The following CDAN1 variants were observed in gnomAD, a reference collection of about 807,000 sequenced individuals.
CDAN1 encodes the protein codanin 1, also known as codanin-1.
In CDAN1, 107 loss-of-function variants were observed where a neutral mutation model predicts 139.8. That is an observed-to-expected ratio of 0.77 (90% CI 0.65 to 0.90). The LOEUF (loss-of-function observed/expected upper bound fraction) is 0.90. Ranked by LOEUF, CDAN1 falls within the 40% of genes least tolerant of loss-of-function variation. The pLI is 0.00. For missense variants in CDAN1, 1,667 were observed against 1,575.7 expected (o/e 1.06, Z -0.98); for synonymous variants, 776 against 660.6 (o/e 1.17, Z -2.68).
At chr15:42,729,192 C>A (rs764681793) in intron 18 of CDAN1, 37 bp downstream of exon 18, 5 of 1,609,220 alleles carry the variant, frequency 3.1e-6, no homozygotes, top group Admixed American at 3.3e-5. Context: ...CCAACCCCCC[C>A]TCATTTTCCC....
In CDAN1 at chr15:42,731,774, C is replaced by A. The variant is rs751963997; in HGVS notation, c.1585G>T (p.Asp529Tyr). The A allele has an allele frequency of 2.7e-5, 43 of 1,614,060 alleles. No individual in the cohort carries two copies. In the South Asian group the frequency reaches 4.5e-4, roughly 17 times the overall value. Residue 529 changes from aspartate to tyrosine, a missense_variant, in exon 11 of 28, where the codon GAT becomes TAT. Coordinates refer to ENST00000356231, the MANE Select transcript of CDAN1 (RefSeq NM_138477.4). ...AGGTVLGEAP[D>Y]VLSMLGADKL... ...TCAGCTCCCAGCATACTCAACACATCTGGGGCCTCGCCCAAGACGGTGCCC... is the reference window on the plus strand; with the variant it reads ...TCAGCTCCCAGCATACTCAACACATATGGGGCCTCGCCCAAGACGGTGCCC...
intron 1 of CDAN1, 88 bp downstream of exon 1, chr15:42,736,925 G>A (rs2061698332): frequency 6.8e-7 from 1 of 1,479,314 alleles, no homozygotes; most frequent in African/African-American, 1.5e-5. Flanking sequence ...CTGGCAGCCA[G>A]GCGCCCTAGA....
intron 10 of CDAN1, 78 bp downstream of exon 10, chr15:42,732,255 T>A: frequency 7.4e-7 from 1 of 1,356,410 alleles, no homozygotes; most frequent in Non-Finnish European, 1.1e-6. Context: ...GTCTGCCCTA[T>A]CCCAAAGTGC....
chr15:42,724,903 A>C, intron 27 of CDAN1: 1 of 615,096 alleles, frequency 1.6e-6, no homozygotes, highest in South Asian at 2.0e-5. Flanking sequence ...AGGTTATTCT[A>C]ATTTTAAAAA....
At position 42,727,692 on chromosome 15, in the gene CDAN1, C is replaced by T. The variant is rs747974604; in HGVS notation, c.3025G>A (p.Glu1009Lys). 1.8e-5 allele frequency: 29 copies of T among 1,584,314 alleles called. No individual in the cohort carries two copies. Among genetic ancestry groups the T allele is most frequent in the Non-Finnish European group, 2.2e-5 (26 of 1,161,816 alleles). The change falls in exon 23 of 28, where the codon GAG (glutamate) becomes AAG (lysine). Residue 1009 changes from glutamate to lysine, a missense_variant. Coordinates refer to ENST00000356231, the MANE Select transcript of CDAN1 (RefSeq NM_138477.4). The stretch of plus-strand genomic sequence containing the variant: ...CAGGCGCGGGAGCAGCCCCTCCGCT[C>T]CCCCCGGGCAGCAGGTTCAGGACCC... The part of the protein sequence containing the change: ...AQGPEPAARG[E>K]RRGCSRACEH...
At chr15:42,735,766 C>T in intron 3 of CDAN1, 87 bp from the exon 4 acceptor site, 2 of 1,582,722 alleles carry the variant, frequency 1.3e-6, no homozygotes, top group Non-Finnish European at 8.7e-7. Context: ...ATACCAACAG[C>T]CCAGGAGACA....
chr15:42,724,070 C>T lies in CDAN1; in HGVS notation c.*421G>A, dbSNP rs1421542866. ...TCCTGGTGATAAGAAAATGTAGACT[C>T]CCAAGATTCATGTTTTAACTTTCTT... On this transcript the variant is annotated 3_prime_UTR_variant, in exon 28 of 28. Transcript: ENST00000356231. 3.5e-6 allele frequency: 1 copy of T among 285,794 alleles called. No individual in the cohort carries two copies. Among genetic ancestry groups the T allele is most frequent in the Non-Finnish European group, 6.9e-6 (1 of 145,670 alleles). 17.7% of individuals were successfully genotyped at this position (285,794 alleles called of 1,614,324 possible). A position where few individuals can be genotyped will look rare whatever the true frequency, so the allele number is the denominator to read the frequency against.
intron 10 of CDAN1, 72 bp downstream of exon 10, chr15:42,732,261 A>C: frequency 7.1e-7 from 1 of 1,399,646 alleles, no homozygotes; most frequent in Non-Finnish European, 1.0e-6. Flanking sequence ...CCTATCCCAA[A>C]GTGCAGCCGT....
At chr15:42,734,809 G>A (rs2061665918) in intron 6 of CDAN1, among the ~76,000 whole-genome samples, 2 of 145,374 alleles carry the variant, frequency 1.4e-5, no homozygotes, top group African/African-American at 5.3e-5. Flanking sequence ...GGTGGAGATG[G>A]GATTTTGTCA....
rs1595861681 is a variant in CDAN1, at chr15:42,734,287, A to G, written c.1196T>C (p.Leu399Pro). The G allele has an allele frequency of 6.2e-7, 1 of 1,614,110 alleles. No homozygotes were observed. Among genetic ancestry groups the G allele is most frequent in the Non-Finnish European group, 8.5e-7 (1 of 1,180,022 alleles). The change falls in exon 7 of 28, where the codon CTG becomes CCG. Residue 399 changes from leucine to proline, a missense_variant. Coordinates refer to ENST00000356231, the MANE Select transcript of CDAN1 (RefSeq NM_138477.4). ...GCCTTGCAGAGCTGGTGAGAAGCAC[A>G]GCAGCCGCTCATTCTCAGCCAGCAG... ...LKLLAENERLLCFSPALQGRL... is the reference protein window; with the variant it reads ...LKLLAENERLPCFSPALQGRL...
chr15:42,729,718 C>T (rs2061583440), intron 16 of CDAN1, 78 bp downstream of exon 16: 1 of 1,586,604 alleles, frequency 6.3e-7, no homozygotes, highest in East Asian at 2.2e-5. Flanking sequence ...TACATCTGCC[C>T]CTGGCTGGGC....
chr15:42,730,357 G>C (rs1470810211), intron 14 of CDAN1, 142 bp from the exon 15 acceptor site: 1 of 909,142 alleles, frequency 1.1e-6, no homozygotes, highest in Non-Finnish European at 1.8e-6. Flanking sequence ...CCCCAGCCCC[G>C]CCTCCTGCAT....
rs866705691 is a variant in CDAN1, at chr15:42,732,542, C to T, written c.1458-134G>A. ...GCAGACCTCAGCCAGAGCCAGCCTG[C>T]AAAGGGACACTGAAGGCAAGGGACA... On this transcript the variant is annotated intron_variant, in intron 9 of 27. Coordinates refer to ENST00000356231, the MANE Select transcript of CDAN1 (RefSeq NM_138477.4). 19 of 773,108 alleles carry T rather than the reference C, an allele frequency of 2.5e-5. No homozygotes were observed. The Admixed American group carries it at 3.6e-4, about 15-fold the overall frequency. 47.9% of individuals were successfully genotyped at this position (773,108 alleles called of 1,614,324 possible). A position where few individuals can be genotyped will look rare whatever the true frequency, so the allele number is the denominator to read the frequency against.
chr15:42,725,459 G>C, intron 26 of CDAN1, 30 bp downstream of exon 26: 1 of 1,613,226 alleles, frequency 6.2e-7, no homozygotes. Flanking sequence ...GAGTGTGACT[G>C]CAGAGGGCTT....
Position 42,734,454 on chromosome 15 carries a change from G to T in CDAN1, c.1137-108C>A, listed in dbSNP as rs188693619. 4.9e-3 allele frequency: 6,636 copies of T among 1,350,134 alleles called. 27 individuals are homozygous for T. The highest frequency in any genetic ancestry group is 6.0e-3 in the Non-Finnish European group (5,705 of 956,432). The allele number at this position is 1,350,134 out of a possible 1,614,324, so 83.6% of individuals were successfully genotyped here. ...TCTAAGGCATGGCGCAGGTATGCAA[G>T]CCCAGATATGTACTGCAAGGTCATG... On this transcript the variant is annotated intron_variant, in intron 6 of 27. Coordinates refer to ENST00000356231, the MANE Select transcript of CDAN1 (RefSeq NM_138477.4).
At chr15:42,726,073 G>C (rs933211406) in intron 25 of CDAN1, 24 bp downstream of exon 25, 2 of 1,610,416 alleles carry the variant, frequency 1.2e-6, no homozygotes, top group Non-Finnish European at 8.5e-7. Flanking sequence ...GGCAAGAGAG[G>C]GATTTGATGG....
chr15:42,734,442 G>A (rs1359732444), intron 6 of CDAN1, 96 bp from the exon 7 acceptor site: 5 of 1,478,180 alleles, frequency 3.4e-6, no homozygotes, highest in Admixed American at 1.7e-5. Context: ...AAGGCATGGC[G>A]CAGGTATGCA....
Position 42,736,635 on chromosome 15 carries a change from G to C in CDAN1, c.236C>G (p.Ser79Trp), listed in dbSNP as rs754491840. Residue 79 changes from serine to tryptophan, a missense_variant, in exon 2 of 28, where the codon TCG becomes TGG. Around this residue, in one of 3 missense-constraint regions of CDAN1, gnomAD observed 487 missense variants for 422.2 expected, o/e 1.15. Transcript: ENST00000356231. ...TCCCGGCCTCCCTGGCAAGGCTGCC[G>C]AGGCGCCCGGGGTCTTGGCGGGGGT... ...PPTPAKTPGA[S>W]AALPGRPGGP... 6.6e-7 allele frequency: 1 copy of C among 1,516,248 alleles called. No individual in the cohort carries two copies. Among genetic ancestry groups the C allele is most frequent in the Non-Finnish European group, 8.8e-7 (1 of 1,132,662 alleles). 93.9% of individuals were successfully genotyped at this position (1,516,248 alleles called of 1,614,324 possible).
At chr15:42,731,154 C>T in intron 12 of CDAN1, 57 bp downstream of exon 12, 3 of 1,614,198 alleles carry the variant, frequency 1.9e-6, no homozygotes, top group Non-Finnish European at 1.7e-6. Flanking sequence ...TTTTCTTGAA[C>T]ATACTCCCTT....
Sources: allele counts gnomAD v4.1 joint callset (sites outside exome capture counted in the v4.1 genomes callset), GRCh38; gene constraint gnomAD v4.1.1; regional missense constraint gnomAD v4.1.1; transcripts MANE v1.5; gene names NCBI Gene and HGNC (gene_info 2026-07-23, HGNC 2026-07-21).